The following AQP7B variants were observed in gnomAD, a reference collection of about 807,000 sequenced individuals.
AQP7B encodes putative aquaporin-7B.
the AQP7B span, among the ~76,000 whole-genome samples, chr2:94,599,701 G>T: frequency 6.6e-6 from 1 of 151,692 alleles, no homozygotes; most frequent in Non-Finnish European, 1.5e-5. Context: ...TCTTCAGCCC[G>T]TCCCTCTCTC....
the AQP7B span, chr2:94,602,701 C>T: frequency 2.2e-6 from 3 of 1,357,760 alleles, no homozygotes; most frequent in Non-Finnish European, 3.1e-6. Flanking sequence ...AGCTCCTTTC[C>T]CAGCACAGCC....
the AQP7B span, chr2:94,604,544 C>T: frequency 5.6e-6 from 9 of 1,607,104 alleles, no homozygotes; most frequent in South Asian, 7.7e-5. Context: ...CCCACCCTTA[C>T]ATGAATCCAT....
At chr2:94,603,792 C>A in the AQP7B span, 7 of 1,528,142 alleles carry the variant, frequency 4.6e-6, no homozygotes, top group East Asian at 6.8e-5. Context: ...CAGGAACACA[C>A]GCGCTGGTGA....
the AQP7B span, among the ~76,000 whole-genome samples, chr2:94,597,031 A>T: frequency 6.6e-6 from 1 of 152,088 alleles, no homozygotes; most frequent in African/African-American, 2.4e-5. Flanking sequence ...GGTTAACAGG[A>T]GGACTTGTGT....
At chr2:94,594,949 T>G in the AQP7B span, 1 of 834,424 alleles carries the variant, frequency 1.2e-6, no homozygotes, top group Non-Finnish European at 2.0e-6. Context: ...GCTGACCCCA[T>G]GGGTCACATT....
chr2:94,593,524 T>G, the AQP7B span, among the ~76,000 whole-genome samples: 1 of 148,370 alleles, frequency 6.7e-6, no homozygotes, highest in African/African-American at 2.5e-5. Flanking sequence ...TCGCTCTTGT[T>G]GCCCAGGCTG....
At chr2:94,589,927 T>C in the AQP7B span, among the ~76,000 whole-genome samples, 1 of 152,076 alleles carries the variant, frequency 6.6e-6, no homozygotes, top group Non-Finnish European at 1.5e-5. Flanking sequence ...ATATCTAGAA[T>C]GTGCACAGCT....
the AQP7B span, chr2:94,602,530 T>G: frequency 6.2e-7 from 1 of 1,604,084 alleles, no homozygotes; most frequent in Non-Finnish European, 8.5e-7. Context: ...TGGTTCTAAA[T>G]AAAACATATG....
At chr2:94,589,958 C>G in the AQP7B span, among the ~76,000 whole-genome samples, 1 of 152,132 alleles carries the variant, frequency 6.6e-6, no homozygotes, top group East Asian at 1.9e-4. Flanking sequence ...TTTCTACCAC[C>G]ACCCTACTCC....
At chr2:94,587,342 G>T in the AQP7B span, among the ~76,000 whole-genome samples, 5 of 152,202 alleles carry the variant, frequency 3.3e-5, no homozygotes, top group African/African-American at 1.2e-4. Flanking sequence ...GGAGGAAGAA[G>T]ATCAAGATGC....
the AQP7B span, chr2:94,602,385 C>A: frequency 2.5e-6 from 3 of 1,194,830 alleles, 1 homozygote; most frequent in Non-Finnish European, 3.5e-6. Context: ...CAGGCAATGC[C>A]AGGGAGGCCC....
chr2:94,602,935 A>C, the AQP7B span: 2 of 1,342,592 alleles, frequency 1.5e-6, no homozygotes, highest in Middle Eastern at 2.6e-4. Flanking sequence ...GCTCTGTCAC[A>C]GAGCATGCTG....
chr2:94,604,254 G>A, the AQP7B span: 8 of 1,560,876 alleles, frequency 5.1e-6, no homozygotes, highest in East Asian at 2.3e-5. Flanking sequence ...CTGGGCATCA[G>A]CCCCCTCAGC....
chr2:94,602,538 A>G, the AQP7B span: 2 of 1,604,230 alleles, frequency 1.2e-6, no homozygotes, highest in East Asian at 2.2e-5. Flanking sequence ...AATAAAACAT[A>G]TGGGAGCTAC....
At chr2:94,587,353 G>A in the AQP7B span, among the ~76,000 whole-genome samples, 4 of 152,296 alleles carry the variant, frequency 2.6e-5, no homozygotes, top group Non-Finnish European at 5.9e-5. Flanking sequence ...ATCAAGATGC[G>A]CTTTAACTGA....
At chr2:94,588,418 C>T in the AQP7B span, 46 of 614,750 alleles carry the variant, frequency 7.5e-5, no homozygotes, top group Admixed American at 3.1e-4. Context: ...GGCTTCTCCC[C>T]TGGGGACCAA....
At chr2:94,599,132 A>G in the AQP7B span, among the ~76,000 whole-genome samples, 2 of 152,124 alleles carry the variant, frequency 1.3e-5, no homozygotes, top group Non-Finnish European at 2.9e-5. Context: ...AGCACATGGT[A>G]TTGGAATGCG....
the AQP7B span, chr2:94,602,588 G>A: frequency 3.1e-6 from 5 of 1,597,868 alleles, no homozygotes; most frequent in South Asian, 4.4e-5. Context: ...GGTCACCATG[G>A]GAGTCCACGT....
the AQP7B span, among the ~76,000 whole-genome samples, chr2:94,593,214 G>T: frequency 6.6e-6 from 1 of 151,996 alleles, no homozygotes; most frequent in Non-Finnish European, 1.5e-5. Context: ...TGGCCTAGAG[G>T]AGAGGGTAGG....
Sources: gnomAD v4.1 joint callset for allele counts (sites outside exome capture counted in the v4.1 genomes callset) on GRCh38, gnomAD v4.1.1 for gene constraint, MANE v1.5 for transcripts, NCBI Gene and HGNC (gene_info 2026-07-23, HGNC 2026-07-21) for gene names.